Variants in ZNF574 observed in about 807,000 individuals in gnomAD.
ZNF574 encodes zinc finger protein 574.
Under a neutral mutation model 56.6 loss-of-function variants are expected in ZNF574, and 25 were observed. The ratio of observed to expected loss-of-function variants is 0.44; its 90% CI spans 0.32 to 0.62. The LOEUF (loss-of-function observed/expected upper bound fraction) is 0.62. Among genes scored for constraint, ZNF574 ranks in the 20% least tolerant of loss-of-function variants. ZNF574 has a pLI of 0.04. For missense variants in ZNF574, 1,065 were observed against 1,218.9 expected, an observed-to-expected ratio of 0.87 and a Z score of 1.88; for synonymous variants, 543 against 492.1, an observed-to-expected ratio of 1.10 and a Z score of -1.37.
chr19:42,074,088 G>C (rs1014068001), upstream of ZNF574, among the ~76,000 whole-genome samples: 2 of 150,312 alleles, frequency 1.3e-5, no homozygotes, highest in Non-Finnish European at 3.0e-5. Flanking sequence ...AGCTGAGATC[G>C]TGCCACTGTA....
rs371884265 is a variant in ZNF574, at chr19:42,081,063, A to G, written c.2457A>G (p.Glu819=). 6.6e-5 allele frequency: 106 copies of G among 1,614,174 alleles called. No individual in the cohort carries two copies. The African/African-American group carries it at 1.3e-3, about 20-fold the overall frequency. ...LAEHRRIHTG[E]RPYSCPDCGK... The stretch of plus-strand genomic sequence containing the variant: ...AACATCGCCGCATCCACACAGGCGA[A>G]CGACCCTACTCCTGCCCTGACTGTG... Residue 819 remains glutamate, a synonymous_variant, in exon 2 of 2, where the codon GAA becomes GAG. Coordinates refer to ENST00000359044, the MANE Select transcript of ZNF574 (RefSeq NM_022752.6).
Position 42,078,922 on chromosome 19 carries a change from G to A in ZNF574, c.316G>A (p.Glu106Lys). The part of the protein sequence containing the change: ...ELHLKMMAPQ[E>K]AVPAEPSPKA... ...GCACCTGAAGATGATGGCACCCCAG[G>A]AGGCAGTGCCAGCTGAGCCATCACC... The change falls in exon 2 of 2, where the codon GAG (glutamate) becomes AAG (lysine). Residue 106 changes from glutamate to lysine, a missense_variant. By Grantham distance (56) the Glu-to-Lys change is moderately conservative. Transcript: ENST00000359044. 1 of 1,614,004 alleles carries A rather than the reference G, an allele frequency of 6.2e-7. No individual in the cohort carries two copies. Among genetic ancestry groups the A allele is most frequent in the Non-Finnish European group, 8.5e-7 (1 of 1,179,948 alleles).
upstream of ZNF574, among the ~76,000 whole-genome samples, chr19:42,073,951 T>C (rs149944786): frequency 4.1e-3 from 605 of 147,238 alleles, 7 homozygotes; most frequent in African/African-American, 0.014. Flanking sequence ...TGGCCAACAT[T>C]GCAAAAACCT....
Position 42,079,741 on chromosome 19 carries a change from C to T in ZNF574, c.1135C>T (p.Leu379Phe). The change falls in exon 2 of 2, where the codon CTC becomes TTC. Residue 379 changes from leucine (L) to phenylalanine (F), a missense_variant. By Grantham distance (22) the Leu-to-Phe change is conservative. Coordinates refer to ENST00000359044, the MANE Select transcript of ZNF574 (RefSeq NM_022752.6). The surrounding 1 kb of genome is among the most constrained non-coding windows in gnomAD (Gnocchi z 4.3). ...CGLAFGTEAL[L>F]LAHRRAHTPN... ...CCTGGCCTTCGGCACAGAGGCCCTC[C>T]TCCTGGCCCACCGGCGAGCCCACAC... The T allele has an allele frequency of 1.2e-6, 2 of 1,614,194 alleles. No individual in the cohort carries two copies. Among genetic ancestry groups the T allele is most frequent in the Non-Finnish European group, 1.7e-6 (2 of 1,180,032 alleles).
At chr19:42,068,696 G>A (rs1036647607) in exon 1 of ZNF574, 3 of 446,888 alleles carry the variant, frequency 6.7e-6, no homozygotes, top group African/African-American at 4.1e-5. Flanking sequence ...ACAGAGAGAG[G>A]GATCTAAACA....
chr19:42,080,942 C>T lies in ZNF574; in HGVS notation c.2336C>T (p.Thr779Ile), dbSNP rs1482529765. Residue 779 changes from threonine to isoleucine, a missense_variant, in exon 2 of 2, where the codon ACC becomes ATC. By Grantham distance (89) the Thr-to-Ile change is moderately conservative (BLOSUM62 -1). Transcript: ENST00000359044. This position sits in a 1 kb window ranked among gnomAD's most constrained non-coding sequence, Gnocchi z 8.5. ...PDCGKAFRQS[T>I]HLKDHRRLHT... ...TGTGGCAAAGCGTTCCGTCAGAGTA[C>T]CCACCTGAAAGACCACCGGCGCCTG... 6.2e-7 allele frequency: 1 copy of T among 1,614,110 alleles called. No homozygotes were observed. Among genetic ancestry groups the T allele is most frequent in the Non-Finnish European group, 8.5e-7 (1 of 1,180,018 alleles).
chr19:42,073,814 CAAAAAAAAAAAAAAAAAA>C, upstream of ZNF574, among the ~76,000 whole-genome samples: 1 of 32,064 alleles, frequency 3.1e-5, no homozygotes, highest in African/African-American at 1.3e-4. Context: ...TAGACTGTCT[CAAAAAAAAAAAAAAAAAA>C]AAAAAAAAAA....
rs2076492067 is a variant in ZNF574 at position 42,080,595 on chromosome 19, C to T, written c.1989C>T (p.Ala663=). The change falls in exon 2 of 2, where the codon GCC becomes GCT. Residue 663 remains alanine, a synonymous_variant. Coordinates refer to ENST00000359044, the MANE Select transcript of ZNF574 (RefSeq NM_022752.6). The surrounding 1 kb of genome is among the most constrained non-coding windows in gnomAD (Gnocchi z 8.5). ...GCTGTGCAGCCGCTGCTGCCCAGGC[C>T]CCACGGCGCTTTGAGTGTGGCACCT... ...EHRCAAAAAQ[A]PRRFECGTCG... 6.2e-7 allele frequency: 1 copy of T among 1,612,854 alleles called. No homozygotes were observed. Among genetic ancestry groups the T allele is most frequent in the East Asian group, 2.2e-5 (1 of 44,868 alleles).
upstream of ZNF574, among the ~76,000 whole-genome samples, chr19:42,072,472 G>A (rs762116341): frequency 1.3e-5 from 2 of 151,856 alleles, no homozygotes; most frequent in Non-Finnish European, 2.9e-5. Context: ...TCCTGACTTC[G>A]TGATCTGCCT....
chr19:42,073,746 G>A (rs1645187351), upstream of ZNF574, among the ~76,000 whole-genome samples: 1 of 147,584 alleles, frequency 6.8e-6, no homozygotes, highest in Non-Finnish European at 1.5e-5. Context: ...GAGCCTGGGA[G>A]GCAGAGGTTG....
Position 42,079,318 on chromosome 19 carries a change from C to A in ZNF574, c.712C>A (p.Pro238Thr). ...DFLEHQATHF[P>T]APVPESQEPA... ...CCTGGAGCACCAGGCCACTCACTTC[C>A]CTGCTCCTGTACCCGAGTCTCAGGA... The change falls in exon 2 of 2, where the codon CCT becomes ACT. Residue 238 changes from proline (P) to threonine (T), a missense_variant. Pro to Thr is a conservative substitution (Grantham distance 38). Coordinates refer to ENST00000359044, the MANE Select transcript of ZNF574 (RefSeq NM_022752.6). The surrounding 1 kb of genome is among the most constrained non-coding windows in gnomAD (Gnocchi z 4.3). The A allele has an allele frequency of 6.2e-7, 1 of 1,613,920 alleles. No individual in the cohort carries two copies. Among genetic ancestry groups the A allele is most frequent in the Non-Finnish European group, 8.5e-7 (1 of 1,179,962 alleles).
At chr19:42,072,560 CTT>C (rs2146206937), upstream of ZNF574, among the ~76,000 whole-genome samples, 1 of 148,552 alleles carries the variant, frequency 6.7e-6, no homozygotes, top group South Asian at 2.1e-4. Flanking sequence ...TTTATTTTTT[CTT>C]TCTTTCTTTT....
upstream of ZNF574, among the ~76,000 whole-genome samples, chr19:42,075,893 G>C (rs1399776341): frequency 1.3e-5 from 2 of 152,194 alleles, no homozygotes; most frequent in African/African-American, 2.4e-5. Context: ...CGTCGGAGGC[G>C]GAGTCGAGGA....
rs776216948 is a variant in ZNF574, at chr19:42,080,813, G to A, written c.2207G>A (p.Arg736Gln). 65 of 1,613,924 alleles carry A rather than the reference G, an allele frequency of 4.0e-5. No individual in the cohort carries two copies. Among genetic ancestry groups the A allele is most frequent in the Non-Finnish European group, 4.7e-5 (56 of 1,180,036 alleles). The change falls in exon 2 of 2, where the codon CGG (arginine) becomes CAG (glutamine). Residue 736 changes from arginine to glutamine, a missense_variant. Coordinates refer to ENST00000359044, the MANE Select transcript of ZNF574 (RefSeq NM_022752.6). The surrounding 1 kb of genome is among the most constrained non-coding windows in gnomAD (Gnocchi z 8.5). ...TASPAAPARRRGLECSECKKL... is the reference protein window; with the variant it reads ...TASPAAPARRQGLECSECKKL... ...TCCCCTGCGGCCCCTGCCCGCCGCC[G>A]GGGTCTAGAGTGCAGCGAGTGCAAG...
intron 1 of ZNF574, among the ~76,000 whole-genome samples, chr19:42,078,229 G>T (rs1280341043): frequency 6.6e-6 from 1 of 152,118 alleles, no homozygotes; most frequent in Non-Finnish European, 1.5e-5. Flanking sequence ...GGAGTCAGTG[G>T]AAGGAGGTCT....
At position 42,078,896 on chromosome 19, in the gene ZNF574, T is replaced by C. The variant is rs765888708; in HGVS notation, c.290T>C (p.Leu97Pro). 6.2e-7 allele frequency: 1 copy of C among 1,613,980 alleles called. No homozygotes were observed. Among genetic ancestry groups the C allele is most frequent in the South Asian group, 1.1e-5 (1 of 91,076 alleles). The change falls in exon 2 of 2, where the codon CTG (leucine) becomes CCG (proline). Residue 97 changes from leucine to proline, a missense_variant. Transcript: ENST00000359044. ...AGCCAGCTCCTGGAGCACCAGGAGCTGCACCTGAAGATGATGGCACCCCAG... is the reference window on the plus strand; with the variant it reads ...AGCCAGCTCCTGGAGCACCAGGAGCCGCACCTGAAGATGATGGCACCCCAG... Reference protein sequence around the residue: ...SPSQLLEHQELHLKMMAPQEA... With the variant: ...SPSQLLEHQEPHLKMMAPQEA...
At chr19:42,074,456 TAAATAAAATAAAATA>T (rs58694360), upstream of ZNF574, among the ~76,000 whole-genome samples, 17,042 of 145,946 alleles carry the variant, frequency 0.12, 1,227 homozygotes, top group Middle Eastern at 0.17. Context: ...CTCTGTCTCA[TAAATAAAATAAAATA>T]AAATAAAATA....
Position 42,078,998 on chromosome 19 carries a change from G to A in ZNF574, c.392G>A (p.Cys131Tyr). The change falls in exon 2 of 2, where the codon TGC becomes TAC. Residue 131 changes from cysteine to tyrosine, a missense_variant. Cys to Tyr is a radical substitution (Grantham distance 194, BLOSUM62 -2). Transcript: ENST00000359044. ...SSTIHYECVD[C>Y]KALFASQELW... ...ACCATCCACTACGAGTGTGTGGATT[G>A]CAAGGCTCTCTTTGCCAGCCAGGAG... is the stretch of plus-strand genomic sequence containing the variant. The A allele has an allele frequency of 6.2e-7, 1 of 1,614,144 alleles. No homozygotes were observed. Among genetic ancestry groups the A allele is most frequent in the Non-Finnish European group, 8.5e-7 (1 of 1,180,008 alleles).
chr19:42,080,810 G>T lies in ZNF574; in HGVS notation c.2204G>T (p.Arg735Leu), dbSNP rs550636498. The change falls in exon 2 of 2, where the codon CGC (arginine) becomes CTC (leucine). Residue 735 changes from arginine (R) to leucine (L), a missense_variant. Physicochemically the swap from Arg to Leu is moderately radical, Grantham distance 102. Transcript: ENST00000359044. The surrounding 1 kb of genome is among the most constrained non-coding windows in gnomAD (Gnocchi z 8.5). ...ATASPAAPARRRGLECSECKK... is the reference protein window; with the variant it reads ...ATASPAAPARLRGLECSECKK... Reference sequence around the variant, plus strand: ...GCATCCCCTGCGGCCCCTGCCCGCCGCCGGGGTCTAGAGTGCAGCGAGTGC... The same window carrying T: ...GCATCCCCTGCGGCCCCTGCCCGCCTCCGGGGTCTAGAGTGCAGCGAGTGC... 2.5e-6 allele frequency: 4 copies of T among 1,613,992 alleles called. No homozygotes were observed. The highest frequency in any genetic ancestry group is 2.5e-6 in the Non-Finnish European group (3 of 1,180,030).
Sources: gnomAD v4.1 joint callset for allele counts (sites outside exome capture counted in the v4.1 genomes callset) on GRCh38, gnomAD v4.1.1 for gene constraint, Gnocchi (gnomAD v3.1) non-coding constraint, MANE v1.5 for transcripts, NCBI Gene and HGNC (gene_info 2026-07-23, HGNC 2026-07-21) for gene names.